GNE: variants seen among roughly 807,000 people sequenced by gnomAD.
GNE encodes the protein bifunctional UDP-N-acetylglucosamine 2-epimerase/N-acetylmannosamine kinase.
In GNE, 41 loss-of-function variants were observed where a neutral mutation model predicts 61.8. The observed-to-expected ratio is 0.66, with a 90% CI of 0.52 to 0.86. The LOEUF (loss-of-function observed/expected upper bound fraction) is 0.86. GNE is among the 40% of genes least tolerant of loss of function. GNE has a pLI of 0.00. For missense variants in GNE, 608 were observed against 909.1 expected (o/e 0.67, Z 4.26); for synonymous variants, 264 against 326.4 (o/e 0.81, Z 2.06).
intron 9 of GNE, among the ~76,000 whole-genome samples, chr9:36,222,370 G>C (rs903576340): frequency 7.0e-6 from 1 of 143,780 alleles, no homozygotes; most frequent in Non-Finnish European, 1.5e-5. Flanking sequence ...AGTGAGCCGA[G>C]ATCCCGCCAC....
chr9:36,270,525 T>TC (rs1830984391), intron 1 of GNE, among the ~76,000 whole-genome samples: 1 of 148,924 alleles, frequency 6.7e-6, no homozygotes, highest in Non-Finnish European at 1.5e-5. Context: ...TCTTTTTTTT[T>TC]TTTTTTTTTT....
At chr9:36,240,943 G>T (rs1306521587) in intron 3 of GNE, among the ~76,000 whole-genome samples, 2 of 152,078 alleles carry the variant, frequency 1.3e-5, no homozygotes, top group African/African-American at 4.8e-5. Flanking sequence ...GTGTGTCAAG[G>T]TGTTCATAGT....
chr9:36,229,181 T>G (rs550639240), intron 5 of GNE, 73 bp from the exon 6 acceptor site: 1 of 868,326 alleles, frequency 1.2e-6, no homozygotes, highest in Non-Finnish European at 2.0e-6. Flanking sequence ...ATTATCAGTG[T>G]ACTATGCTCA....
At chr9:36,246,540 A>G (rs1322479907) in intron 2 of GNE, 58 bp from the exon 3 acceptor site, 42 of 1,237,270 alleles carry the variant, frequency 3.4e-5, no homozygotes, top group Non-Finnish European at 4.5e-5. Context: ...GAGCCGTAAC[A>G]TGCAAGAAAA....
chr9:36,225,258 CTCTT>C (rs1403662584), intron 7 of GNE, among the ~76,000 whole-genome samples: 2 of 152,264 alleles, frequency 1.3e-5, no homozygotes, highest in East Asian at 3.9e-4. Flanking sequence ...AATAAGATCT[CTCTT>C]TCCATTTATA....
chr9:36,241,379 T>G (rs1035245692), intron 3 of GNE, among the ~76,000 whole-genome samples: 2 of 152,230 alleles, frequency 1.3e-5, no homozygotes, highest in Non-Finnish European at 2.9e-5. Context: ...CCTCCCAAAG[T>G]GCTGGGATTA....
intron 3 of GNE, among the ~76,000 whole-genome samples, chr9:36,245,041 G>T (rs995162063): frequency 2.0e-5 from 3 of 151,228 alleles, no homozygotes; most frequent in Admixed American, 6.6e-5. Flanking sequence ...ACTTTGGGAG[G>T]CTGAGGTGGG....
intron 5 of GNE, among the ~76,000 whole-genome samples, chr9:36,232,637 G>T (rs1829224249): frequency 6.6e-6 from 1 of 152,156 alleles, no homozygotes; most frequent in Admixed American, 6.5e-5. Flanking sequence ...TTGTCATTCA[G>T]ATTTCAGCTT....
intron 3 of GNE, among the ~76,000 whole-genome samples, chr9:36,244,665 C>T (rs1013110772): frequency 4.6e-5 from 7 of 151,956 alleles, no homozygotes; most frequent in Admixed American, 2.6e-4. Context: ...GAGCCAGGCG[C>T]GGTGGCTCAT....
chr9:36,231,930 A>G (rs575089225), intron 5 of GNE, among the ~76,000 whole-genome samples: 38 of 152,210 alleles, frequency 2.5e-4, no homozygotes, highest in African/African-American at 8.9e-4. Context: ...TCTTAATTCA[A>G]TCCCTCCCCA....
At chr9:36,248,750 C>T (rs1366313405) in intron 2 of GNE, among the ~76,000 whole-genome samples, 2 of 152,102 alleles carry the variant, frequency 1.3e-5, no homozygotes. Context: ...AAATCTTGTT[C>T]CATATCTACT....
At chr9:36,223,755 CTT>C (rs377239651) in intron 7 of GNE, among the ~76,000 whole-genome samples, 11 of 142,944 alleles carry the variant, frequency 7.7e-5, no homozygotes, top group African/African-American at 5.1e-5. Context: ...GGGCCCCTCT[CTT>C]TTTTTTTTTT....
chr9:36,226,618 T>C (rs1413057765), intron 7 of GNE, among the ~76,000 whole-genome samples: 2 of 152,238 alleles, frequency 1.3e-5, no homozygotes, highest in Non-Finnish European at 2.9e-5. Context: ...TTAAAATCTT[T>C]GCTATTTCTC....
chr9:36,242,517 T>C (rs1390203899), intron 3 of GNE, among the ~76,000 whole-genome samples: 1 of 151,850 alleles, frequency 6.6e-6, no homozygotes, highest in African/African-American at 2.4e-5. Flanking sequence ...CTCCTGGGTT[T>C]CATGCAATTC....
intron 1 of GNE, among the ~76,000 whole-genome samples, chr9:36,256,239 C>CTTTTT (rs34215482): frequency 3.6e-5 from 2 of 55,990 alleles, no homozygotes; most frequent in Admixed American, 2.5e-4. Flanking sequence ...AAACCCAATT[C>CTTTTT]TTTTTTTTTT....
intron 1 of GNE, 75 bp from the exon 2 acceptor site, chr9:36,249,472 C>T (rs1254027605): frequency 1.0e-6 from 1 of 987,090 alleles, no homozygotes; most frequent in African/African-American, 1.7e-5. Context: ...TTCTCTAAAT[C>T]AGAAATAGAA....
intron 1 of GNE, among the ~76,000 whole-genome samples, chr9:36,274,115 T>TGTGTGAGA (rs1273335048): frequency 8.3e-5 from 12 of 144,566 alleles, no homozygotes; most frequent in African/African-American, 3.1e-4. Flanking sequence ...TGTGTGTGTG[T>TGTGTGAGA]GACAGGGTCT....
Sources: gnomAD v4.1 joint callset for allele counts (sites outside exome capture counted in the v4.1 genomes callset) on GRCh38, gnomAD v4.1.1 for gene constraint, MANE v1.5 for transcripts, NCBI Gene and HGNC (gene_info 2026-07-23, HGNC 2026-07-21) for gene names.